Variants in SP4 observed in about 807,000 individuals in gnomAD.
The protein encoded by SP4 is transcription factor Sp4.
Under a neutral mutation model 72.8 loss-of-function variants are expected in SP4, and 19 were observed. The observed-to-expected ratio is 0.26, with a 90% CI of 0.18 to 0.38. The LOEUF is 0.38. Ranked by LOEUF, SP4 falls within the 10% of genes least tolerant of loss-of-function variation. SP4 has a pLI of 1.00. For synonymous variants in SP4, 395 were observed against 333.1 expected (o/e 1.19, Z -2.02); for missense variants, 1,008 against 926.3 (o/e 1.09, Z -1.14).
chr7:21,481,302 T>G (rs1201861748), intron 4 of SP4, among the ~76,000 whole-genome samples: 1 of 152,194 alleles, frequency 6.6e-6, no homozygotes, highest in Non-Finnish European at 1.5e-5. Context: ...ATCATATTCT[T>G]AGCTGCACCA....
chr7:21,442,989 G>A (rs983013712), intron 3 of SP4, among the ~76,000 whole-genome samples: 3 of 152,176 alleles, frequency 2.0e-5, no homozygotes, highest in South Asian at 2.1e-4. Context: ...ACCCACCTTG[G>A]CCTCCCAAAG....
In SP4 at chr7:21,429,257, C is replaced by T. The variant is rs773959477; in HGVS notation, c.124-32C>T. 4 of 1,278,790 alleles carry T rather than the reference C, an allele frequency of 3.1e-6. No individual in the cohort carries two copies. The African/African-American group carries it at 4.5e-5, about 14-fold the overall frequency. The allele number at this position is 1,278,790 out of a possible 1,614,324, so 79.2% of individuals were successfully genotyped here. ...TAAATCCGCCCACTTTTTTTCCCCCCCCCCTCTCCTTTACCGTCCCATTTT... is the reference window on the plus strand; with the variant it reads ...TAAATCCGCCCACTTTTTTTCCCCCTCCCCTCTCCTTTACCGTCCCATTTT... On this transcript the variant is annotated intron_variant, in intron 2 of 5. Transcript: ENST00000222584.
chr7:21,482,834 T>C (rs1583432083), intron 5 of SP4: 1 of 770,466 alleles, frequency 1.3e-6, no homozygotes, highest in East Asian at 1.3e-4. Context: ...ATATGTATAT[T>C]TGCATATATG....
At chr7:21,494,437 G>A (rs772603357) in intron 5 of SP4, among the ~76,000 whole-genome samples, 1 of 152,188 alleles carries the variant, frequency 6.6e-6, no homozygotes, top group African/African-American at 2.4e-5. Context: ...AAGGTTGCCA[G>A]ATACAGGATA....
At chr7:21,452,396 T>C (rs1356327519) in intron 3 of SP4, among the ~76,000 whole-genome samples, 3 of 152,176 alleles carry the variant, frequency 2.0e-5, no homozygotes, top group Admixed American at 6.5e-5. Flanking sequence ...TGCCATCAAA[T>C]ACCTGTATGA....
At chr7:21,477,831 C>T (rs533728719) in intron 4 of SP4, among the ~76,000 whole-genome samples, 4 of 152,166 alleles carry the variant, frequency 2.6e-5, no homozygotes, top group Non-Finnish European at 5.9e-5. Context: ...TGAGCCCCCT[C>T]GCCCAGCCCA....
rs770531716 is a variant in SP4 at position 21,477,121 on chromosome 7, C to A, written c.1721C>A (p.Thr574Asn). 1 of 1,614,112 alleles carries A rather than the reference C, an allele frequency of 6.2e-7. No homozygotes were observed. Among genetic ancestry groups the A allele is most frequent in the East Asian group, 2.2e-5 (1 of 44,874 alleles). The change falls in exon 4 of 6, where the codon ACT (threonine) becomes AAT (asparagine). Residue 574 changes from threonine to asparagine, a missense_variant. Physicochemically the swap from Thr to Asn is moderately conservative, Grantham distance 65. Coordinates refer to ENST00000222584, the MANE Select transcript of SP4 (RefSeq NM_003112.5). Reference protein sequence around the residue: ...GQDGVKVQQATIAPVTVAVGG... With the variant: ...GQDGVKVQQANIAPVTVAVGG... The stretch of plus-strand genomic sequence containing the variant: ...GATGGAGTAAAAGTCCAGCAAGCTA[C>A]TATAGCTCCTGTAACTGTAGCAGTT...
rs1326476799 is a variant in SP4, at chr7:21,430,761, C to T, written c.1596C>T (p.Asn532=). 1 of 1,614,218 alleles carries T rather than the reference C, an allele frequency of 6.2e-7. No homozygotes were observed. Residue 532 remains asparagine (N), a synonymous_variant, in exon 3 of 6, where the codon AAC becomes AAT. Coordinates refer to ENST00000222584, the MANE Select transcript of SP4 (RefSeq NM_003112.5). ...LNTAQLASVP[N]LQTVSVANLG... The stretch of plus-strand genomic sequence containing the variant: ...CTGCCCAGCTTGCATCAGTGCCTAA[C>T]CTTCAGACAGTGAGCGTTGCCAACC...
intron 3 of SP4, among the ~76,000 whole-genome samples, chr7:21,446,975 A>C (rs372470110): frequency 6.6e-6 from 1 of 152,132 alleles, no homozygotes; most frequent in Non-Finnish European, 1.5e-5. Flanking sequence ...AATGTTTTAG[A>C]ATATGGTTCA....
chr7:21,428,299 C>T (rs937597463), intron 1 of SP4, 41 bp downstream of exon 1: 9 of 1,149,174 alleles, frequency 7.8e-6, no homozygotes, highest in African/African-American at 3.1e-5. Context: ...TCGCCGCCTC[C>T]CTCTCTCCCT....
chr7:21,490,978 T>C (rs150853047), intron 5 of SP4, among the ~76,000 whole-genome samples: 1 of 152,324 alleles, frequency 6.6e-6, no homozygotes, highest in Non-Finnish European at 1.5e-5. Context: ...CTAAAGTCTC[T>C]GCAATATAAT....
chr7:21,488,666 G>A lies in SP4; in HGVS notation c.2107+6543G>A, dbSNP rs1218049178. On this transcript the variant is annotated intron_variant, in intron 5 of 5. Coordinates refer to ENST00000222584, the MANE Select transcript of SP4 (RefSeq NM_003112.5). ...TCCCAGCTACTCAGGAGGCTGAGGC[G>A]GGAGAACTGCTTGTGCTAGGAGTTC... Among the ~76,000 whole-genome samples, 11 of 151,584 alleles carry A rather than the reference G, an allele frequency of 7.3e-5. 1 individual carries two copies. The highest frequency in any genetic ancestry group is 1.2e-4 in the African/African-American group (5 of 41,236).
intron 3 of SP4, among the ~76,000 whole-genome samples, chr7:21,456,965 G>C (rs1783785259): frequency 6.6e-6 from 1 of 152,128 alleles, no homozygotes; most frequent in Non-Finnish European, 1.5e-5. Flanking sequence ...GGGTTGGTTA[G>C]TAAGCAGGAG....
intron 1 of SP4, 82 bp downstream of exon 1, chr7:21,428,340 C>T: frequency 6.8e-6 from 5 of 739,196 alleles, no homozygotes; most frequent in Non-Finnish European, 9.9e-6. Flanking sequence ...GTTCTCCCCC[C>T]TCCCCCGGGG....
chr7:21,443,127 C>T (rs1401242035), intron 3 of SP4, among the ~76,000 whole-genome samples: 1 of 152,162 alleles, frequency 6.6e-6, no homozygotes. Flanking sequence ...TGAGTAGAGT[C>T]TGTGTTATAT....
intron 5 of SP4, 68 bp downstream of exon 5, chr7:21,482,191 A>T: frequency 8.1e-7 from 1 of 1,236,760 alleles, no homozygotes; most frequent in Middle Eastern, 1.9e-4. Context: ...TTTTAGTGAT[A>T]GTTTAGCTAT....
chr7:21,473,984 T>A (rs551602361), intron 3 of SP4, among the ~76,000 whole-genome samples: 2 of 152,360 alleles, frequency 1.3e-5, no homozygotes, highest in South Asian at 4.1e-4. Flanking sequence ...AACATCTAGA[T>A]GAAGTCAATT....
At chr7:21,509,015 A>G (rs1173446771) in intron 5 of SP4, among the ~76,000 whole-genome samples, 1 of 152,098 alleles carries the variant, frequency 6.6e-6, no homozygotes, top group Non-Finnish European at 1.5e-5. Flanking sequence ...GTAAATAGTA[A>G]TAACTGTAAA....
chr7:21,456,591 G>A (rs1412587048), intron 3 of SP4, among the ~76,000 whole-genome samples: 2 of 152,234 alleles, frequency 1.3e-5, no homozygotes, highest in Non-Finnish European at 2.9e-5. Context: ...AAGTGAAAAC[G>A]AAGAGGCAGA....
Sources: allele counts gnomAD v4.1 joint callset (sites outside exome capture counted in the v4.1 genomes callset), GRCh38; gene constraint gnomAD v4.1.1; transcripts MANE v1.5; gene names NCBI Gene and HGNC (gene_info 2026-07-23, HGNC 2026-07-21).